The following MICU3 variants were observed in gnomAD, a reference collection of about 807,000 sequenced individuals.
The protein encoded by MICU3 is calcium uptake protein 3, mitochondrial.
A neutral mutation model predicts 66.5 loss-of-function variants in MICU3; 62 were observed. The observed-to-expected ratio is 0.93, with a 90% CI of 0.76 to 1.15. MICU3 has a LOEUF of 1.15. Ranked by LOEUF, MICU3 falls within the 50% of genes most tolerant of loss-of-function variation. The pLI, the probability that MICU3 is intolerant of heterozygous loss-of-function variation, is 0.00. For missense variants in MICU3, 779 were observed against 664.4 expected (o/e 1.17, Z -1.90); for synonymous variants, 308 against 240.7 (o/e 1.28, Z -2.59).
intron 4 of MICU3, among the ~76,000 whole-genome samples, chr8:17,081,458 CT>C (rs758650682): frequency 2.0e-5 from 3 of 151,824 alleles, no homozygotes; most frequent in East Asian, 3.9e-4. Flanking sequence ...TATAATTTTG[CT>C]TTTTTTGCCA....
intron 7 of MICU3, among the ~76,000 whole-genome samples, chr8:17,089,475 T>C (rs1389535577): frequency 6.6e-6 from 1 of 152,124 alleles, no homozygotes; most frequent in Non-Finnish European, 1.5e-5. Context: ...GGTGATGTTA[T>C]CAAGGTGATA....
At chr8:17,053,829 G>T (rs1816484029) in intron 1 of MICU3, among the ~76,000 whole-genome samples, 1 of 152,136 alleles carries the variant, frequency 6.6e-6, no homozygotes, top group African/African-American at 2.4e-5. Flanking sequence ...AACGTTTTTA[G>T]CAAATGTGAA....
At chr8:17,048,811 T>A (rs1446182717) in intron 1 of MICU3, among the ~76,000 whole-genome samples, 1 of 152,042 alleles carries the variant, frequency 6.6e-6, no homozygotes, top group African/African-American at 2.4e-5. Context: ...TAGAGACAGG[T>A]TGCCACTGTG....
In MICU3 at chr8:17,106,734, A is replaced by AT. The variant is rs914473044; in HGVS notation, c.1257+1160dup. 2.0e-3 allele frequency among the ~76,000 whole-genome samples: 302 copies of AT among 150,120 alleles called. 2 individuals carry two copies. The highest frequency in any genetic ancestry group is 8.0e-3 in the Admixed American group (120 of 14,986). ...AATCAAAATTAATTGATTCTCATTG[A>AT]TTTTTTTTTTCTACATTACCTCATC... On this transcript the variant is annotated intron_variant, in intron 11 of 14. Coordinates refer to ENST00000318063, the MANE Select transcript of MICU3 (RefSeq NM_181723.3).
intron 1 of MICU3, among the ~76,000 whole-genome samples, chr8:17,050,503 T>C (rs1242008427): frequency 6.6e-6 from 1 of 152,096 alleles, no homozygotes; most frequent in African/African-American, 2.4e-5. Flanking sequence ...TCCCTGTTTA[T>C]TAAAAGCAAA....
chr8:17,027,507 GC>G lies in MICU3; in HGVS notation c.229del (p.Leu77TrpfsTer62), dbSNP rs1262587004. The G allele has an allele frequency of 7.8e-7, 1 of 1,283,960 alleles. No homozygotes were observed. Among genetic ancestry groups the G allele is most frequent in the Non-Finnish European group, 9.8e-7 (1 of 1,020,288 alleles). 79.5% of individuals were successfully genotyped at this position (1,283,960 alleles called of 1,614,324 possible). A position where few individuals can be genotyped will look rare whatever the true frequency, so the allele number is the denominator to read the frequency against. Reference sequence around the variant, plus strand: ...GCGTGGCGGCGGCGGCCGGCGGGGGGCTGGTCGGCCTGGTATGCTACCAGCT... The same window carrying G: ...GCGTGGCGGCGGCGGCCGGCGGGGGGTGGTCGGCCTGGTATGCTACCAGCT... ...LSVAAAAGGG[L>X]VGLVCYQLYG... On this transcript the variant is annotated frameshift_variant, in exon 1 of 15. Transcript: ENST00000318063. LOFTEE classifies it high-confidence loss of function.
chr8:17,054,212 C>T (rs1289136492), intron 1 of MICU3, among the ~76,000 whole-genome samples: 4 of 152,062 alleles, frequency 2.6e-5, no homozygotes, highest in African/African-American at 9.7e-5. Context: ...TTAGAATATT[C>T]CCATATGAAG....
intron 7 of MICU3, among the ~76,000 whole-genome samples, chr8:17,088,159 T>A (rs1037227408): frequency 2.0e-5 from 3 of 152,038 alleles, no homozygotes; most frequent in African/African-American, 7.2e-5. Context: ...TAGCACATAC[T>A]GCTTTACAGG....
At chr8:17,076,535 A>G (rs1353634057) in intron 3 of MICU3, among the ~76,000 whole-genome samples, 2 of 152,174 alleles carry the variant, frequency 1.3e-5, no homozygotes, top group Admixed American at 6.5e-5. Flanking sequence ...CACAAACACA[A>G]GAATCCACAT....
chr8:17,129,443 C>T, the MICU3 span, among the ~76,000 whole-genome samples: 9 of 151,990 alleles, frequency 5.9e-5, no homozygotes, highest in Non-Finnish European at 1.2e-4. Flanking sequence ...TAATTACAGA[C>T]AGAACAATGA....
rs908959273 is a variant in MICU3, at chr8:17,045,012, T to A, written c.381+17352T>A. Among the ~76,000 whole-genome samples the A allele has an allele frequency of 3.3e-5, 5 of 152,112 alleles. No individual in the cohort carries two copies. The South Asian group carries it at 6.2e-4, about 19-fold the overall frequency. ...AACAAAGCCTGAAAAAGGTAACCTT[T>A]ATTTCATATGTCTGGCTAAAAACCA... On this transcript the variant is annotated intron_variant, in intron 1 of 14. Coordinates refer to ENST00000318063, the MANE Select transcript of MICU3 (RefSeq NM_181723.3).
intron 4 of MICU3, among the ~76,000 whole-genome samples, chr8:17,078,550 T>G (rs888648474): frequency 6.6e-6 from 1 of 152,094 alleles, no homozygotes; most frequent in Non-Finnish European, 1.5e-5. Context: ...TGGAAATGTA[T>G]TTTTTGTATC....
chr8:17,063,433 C>G (rs1490661441), intron 1 of MICU3, among the ~76,000 whole-genome samples: 1 of 151,684 alleles, frequency 6.6e-6, no homozygotes, highest in Admixed American at 6.6e-5. Flanking sequence ...GAAAATAAAT[C>G]CTTTTATTAA....
chr8:17,126,421 A>G (rs1803406665), downstream of MICU3, among the ~76,000 whole-genome samples: 1 of 152,178 alleles, frequency 6.6e-6, no homozygotes, highest in Non-Finnish European at 1.5e-5. Context: ...TCCTGTCATT[A>G]TGGTATAGTT....
At chr8:17,031,782 A>T (rs1427379012) in intron 1 of MICU3, among the ~76,000 whole-genome samples, 1 of 152,208 alleles carries the variant, frequency 6.6e-6, no homozygotes, top group Non-Finnish European at 1.5e-5. Context: ...AACTTACAGA[A>T]ATACAGTTCT....
chr8:17,051,426 G>A (rs190274448), intron 1 of MICU3, among the ~76,000 whole-genome samples: 1 of 152,146 alleles, frequency 6.6e-6, no homozygotes, highest in Non-Finnish European at 1.5e-5. Context: ...TGGAATGCAG[G>A]AGACAAATTT....
intron 1 of MICU3, among the ~76,000 whole-genome samples, chr8:17,032,602 CAT>C (rs758424635): frequency 9.9e-5 from 15 of 151,982 alleles, no homozygotes; most frequent in Non-Finnish European, 1.8e-4. Flanking sequence ...TTTCCTTTAC[CAT>C]ATGTTTTCCA....
At chr8:17,114,249 G>C in intron 12 of MICU3, 48 bp downstream of exon 12, 1 of 1,222,576 alleles carries the variant, frequency 8.2e-7, no homozygotes, top group East Asian at 2.4e-5. Flanking sequence ...ATACTACATT[G>C]TTTCTATAGA....
intron 1 of MICU3, among the ~76,000 whole-genome samples, chr8:17,061,201 G>A (rs920378606): frequency 6.6e-6 from 1 of 152,128 alleles, no homozygotes; most frequent in African/African-American, 2.4e-5. Flanking sequence ...AGGACTGCAG[G>A]CTTTGTTAGT....
Sources: gnomAD v4.1 joint callset for allele counts (sites outside exome capture counted in the v4.1 genomes callset) on GRCh38, gnomAD v4.1.1 for gene constraint, MANE v1.5 for transcripts, NCBI Gene and HGNC (gene_info 2026-07-23, HGNC 2026-07-21) for gene names.